TBCK: variants seen among roughly 807,000 people sequenced by gnomAD.
TBCK encodes TBC1 domain containing kinase.
TBCK carries 99 observed loss-of-function variants against 113.4 expected under a neutral mutation model. The ratio of observed to expected loss-of-function variants is 0.87; its 90% confidence interval spans 0.74 to 1.03. The LOEUF is 1.03. Among genes scored for constraint, TBCK ranks in the 50% least tolerant of loss-of-function variants. TBCK has a pLI of 0.00. For missense variants in TBCK, 1,045 were observed against 1,061.3 expected (o/e 0.98, Z 0.21); for synonymous variants, 369 against 370.8 (o/e 1.00, Z 0.05).
chr4:106,260,359 A>G, intron 5 of TBCK, 78 bp downstream of exon 5: 1 of 561,586 alleles, frequency 1.8e-6, no homozygotes, highest in Non-Finnish European at 2.8e-6. Context: ...AATATCAAAT[A>G]TAATTAACAA....
At chr4:106,183,319 C>A (rs1260352660) in intron 22 of TBCK, among the ~76,000 whole-genome samples, 1 of 151,866 alleles carries the variant, frequency 6.6e-6, no homozygotes, top group African/African-American at 2.4e-5. Context: ...TCATGCAAGG[C>A]CCCCATAACC....
intron 3 of TBCK, among the ~76,000 whole-genome samples, chr4:106,271,498 T>C (rs1763476167): frequency 6.6e-6 from 1 of 152,124 alleles, no homozygotes; most frequent in African/African-American, 2.4e-5. Flanking sequence ...ACACCTGTAA[T>C]CCCAGCACTT....
chr4:106,176,320 C>T (rs547067123), intron 22 of TBCK, among the ~76,000 whole-genome samples: 22 of 152,144 alleles, frequency 1.4e-4, no homozygotes, highest in African/African-American at 4.6e-4. Flanking sequence ...CTCTCTTCAT[C>T]CCCATCCCCC....
intron 23 of TBCK, among the ~76,000 whole-genome samples, chr4:106,130,346 C>T (rs183107976): frequency 6.6e-6 from 1 of 152,188 alleles, no homozygotes; most frequent in Admixed American, 6.5e-5. Flanking sequence ...ATCAAACATA[C>T]TGTTTTTCTT....
intron 22 of TBCK, among the ~76,000 whole-genome samples, chr4:106,173,140 A>T (rs1210148742): frequency 1.3e-5 from 2 of 152,152 alleles, no homozygotes; most frequent in Non-Finnish European, 2.9e-5. Flanking sequence ...CTAATATAAA[A>T]ACTATAAAAC....
At chr4:106,258,759 C>T (rs1331307088) in intron 5 of TBCK, among the ~76,000 whole-genome samples, 1 of 151,908 alleles carries the variant, frequency 6.6e-6, no homozygotes, top group Non-Finnish European at 1.5e-5. Context: ...ACTACAGCTA[C>T]TTAAAAGTCA....
chr4:106,068,308 C>T lies in TBCK; in HGVS notation c.2572-21628G>A, dbSNP rs550195419. ...TAATGCTATCCCTCCCCCATCCCCCCACCCCACACCAGGCCCCAGTGTGTG... is the reference window on the plus strand; with the variant it reads ...TAATGCTATCCCTCCCCCATCCCCCTACCCCACACCAGGCCCCAGTGTGTG... On this transcript the variant is annotated intron_variant, in intron 25 of 25. Coordinates refer to ENST00000394708, the MANE Select transcript of TBCK (RefSeq NM_001163435.3). Among the ~76,000 whole-genome samples, 3 of 152,212 alleles carry T rather than the reference C, an allele frequency of 2.0e-5. No individual in the cohort carries two copies. The South Asian group carries it at 6.2e-4, about 32-fold the overall frequency.
At chr4:106,083,070 T>C (rs1739082180) in intron 25 of TBCK, among the ~76,000 whole-genome samples, 1 of 152,192 alleles carries the variant, frequency 6.6e-6, no homozygotes, top group South Asian at 2.1e-4. Flanking sequence ...CACCTAACTC[T>C]TGCGGGGAGA....
chr4:106,221,344 C>G (rs755197323), intron 19 of TBCK, among the ~76,000 whole-genome samples: 2 of 152,072 alleles, frequency 1.3e-5, no homozygotes, highest in African/African-American at 2.4e-5. Context: ...CACACACACA[C>G]AGACATAAAA....
intron 23 of TBCK, among the ~76,000 whole-genome samples, chr4:106,166,147 T>A (rs1234404571): frequency 6.6e-6 from 1 of 151,748 alleles, no homozygotes; most frequent in East Asian, 1.9e-4. Flanking sequence ...TATTTTTGTA[T>A]CTGCTTTCTA....
rs546885294 is a variant in TBCK at position 106,078,946 on chromosome 4, T to C, written c.2571+16536A>G. On this transcript the variant is annotated intron_variant, in intron 25 of 25. Transcript: ENST00000394708. ...AAAAAACTAATGCACTAAGATTAAATAGGCCATATTCCTGGGATGCAAGGT... is the reference window on the plus strand; with the variant it reads ...AAAAAACTAATGCACTAAGATTAAACAGGCCATATTCCTGGGATGCAAGGT... 2.0e-5 allele frequency among the ~76,000 whole-genome samples: 3 copies of C among 152,190 alleles called. No individual in the cohort carries two copies. In the East Asian group the frequency reaches 5.8e-4, roughly 29 times the overall value.
chr4:106,274,242 C>T (rs1191065729), intron 3 of TBCK, among the ~76,000 whole-genome samples: 1 of 152,152 alleles, frequency 6.6e-6, no homozygotes, highest in East Asian at 1.9e-4. Context: ...AACCTTTGTG[C>T]ATTGCTAGTG....
At chr4:106,197,916 C>G (rs1004170159) in intron 20 of TBCK, among the ~76,000 whole-genome samples, 3 of 152,124 alleles carry the variant, frequency 2.0e-5, no homozygotes, top group Non-Finnish European at 4.4e-5. Context: ...GGTTCTCATT[C>G]TTCTTTCATG....
At position 106,046,681 on chromosome 4, in the gene TBCK, C is replaced by A; in HGVS notation, c.2572-1G>T. 3 of 1,577,594 alleles carry A rather than the reference C, an allele frequency of 1.9e-6. No individual in the cohort carries two copies. Among genetic ancestry groups the A allele is most frequent in the Non-Finnish European group, 2.6e-6 (3 of 1,155,232 alleles). On this transcript the variant is annotated splice_acceptor_variant, in intron 25 of 25. Transcript: ENST00000394708. LOFTEE classifies it high-confidence loss of function. Reference sequence around the variant, plus strand: ...TCATCTTCACAAGGTGAGCTGCAAACTGGAAAAAAAAAGAGGCAAAATTTT... The same window carrying A: ...TCATCTTCACAAGGTGAGCTGCAAAATGGAAAAAAAAAGAGGCAAAATTTT...
chr4:106,117,789 T>C (rs7698386), intron 23 of TBCK, among the ~76,000 whole-genome samples: 35,214 of 151,942 alleles, frequency 0.23, 4,147 homozygotes, highest in South Asian at 0.27. Flanking sequence ...GTGGGTGGAT[T>C]ACGAGGTCAG....
In TBCK at chr4:106,045,401, A is replaced by G. The variant is rs1304643538; in HGVS notation, c.*1169T>C. The G allele has an allele frequency of 6.6e-6, 1 of 152,154 alleles. No individual in the cohort carries two copies. The highest frequency in any genetic ancestry group is 2.4e-5 in the African/African-American group (1 of 41,420). 9.4% of individuals were successfully genotyped at this position (152,154 alleles called of 1,614,324 possible). A position where few individuals can be genotyped will look rare whatever the true frequency, so the allele number is the denominator to read the frequency against. On this transcript the variant is annotated 3_prime_UTR_variant, in exon 26 of 26. Coordinates refer to ENST00000394708, the MANE Select transcript of TBCK (RefSeq NM_001163435.3). ...TGAGATGTCTTAGATTTAATGAAATATAATACTCATTTTAAAAACAATGTG... is the reference window on the plus strand; with the variant it reads ...TGAGATGTCTTAGATTTAATGAAATGTAATACTCATTTTAAAAACAATGTG...
chr4:106,228,755 T>C (rs1365105640), intron 19 of TBCK, among the ~76,000 whole-genome samples: 1 of 152,046 alleles, frequency 6.6e-6, no homozygotes, highest in East Asian at 1.9e-4. Flanking sequence ...TTTGGGTATA[T>C]ACCTAGCAGT....
At chr4:106,150,902 T>C (rs1349753198) in intron 23 of TBCK, among the ~76,000 whole-genome samples, 1 of 152,012 alleles carries the variant, frequency 6.6e-6, no homozygotes, top group African/African-American at 2.4e-5. Context: ...ATTGAGAACA[T>C]ACTATTTCTC....
chr4:106,222,986 G>A (rs558950276), intron 19 of TBCK, among the ~76,000 whole-genome samples: 161 of 152,152 alleles, frequency 1.1e-3, no homozygotes, highest in Non-Finnish European at 1.8e-3. Context: ...ATCTACAGAT[G>A]AGCCCACTTA....
Sources: gnomAD v4.1 joint callset for allele counts (sites outside exome capture counted in the v4.1 genomes callset) on GRCh38, gnomAD v4.1.1 for gene constraint, MANE v1.5 for transcripts, NCBI Gene and HGNC (gene_info 2026-07-23, HGNC 2026-07-21) for gene names.